Variants in MUC12 observed in about 807,000 individuals in gnomAD.
MUC12 encodes the protein mucin 12, cell surface associated.
Under a neutral mutation model 230.8 loss-of-function variants are expected in MUC12, and 172 were observed. The observed-to-expected ratio is 0.75, with a 90% CI of 0.66 to 0.85. The LOEUF is 0.85. Among genes scored for constraint, MUC12 ranks in the 40% least tolerant of loss-of-function variants. The pLI is 0.00. For synonymous variants in MUC12, 1,259 were observed against 2,401.9 expected (o/e 0.52, Z 13.91); for missense variants, 3,506 against 5,920.6 (o/e 0.59, Z 13.38).
rs905183850 is a variant in MUC12 at position 101,005,359 on chromosome 7, A to G, written c.14796A>G (p.Glu4932=). ...ARSTASDLVG[E]PTTFYISPSP... is the part of the protein sequence containing the mutation. ...CCACAGCCTCAGACCTTGTTGGAGAACCTACAACTTTCTACATCAGCCCAT... is the reference window on the plus strand; with the variant it reads ...CCACAGCCTCAGACCTTGTTGGAGAGCCTACAACTTTCTACATCAGCCCAT... Residue 4932 remains glutamate, a synonymous_variant, in exon 2 of 12, where the codon GAA becomes GAG. Transcript: ENST00000536621. The G allele has an allele frequency of 2.0e-6, 3 of 1,537,730 alleles. No individual in the cohort carries two copies. The highest frequency in any genetic ancestry group is 2.6e-6 in the Non-Finnish European group (3 of 1,147,050).
intron 1 of MUC12, among the ~76,000 whole-genome samples, chr7:100,976,285 T>TA (rs1376959017): frequency 6.9e-6 from 1 of 145,556 alleles, no homozygotes; most frequent in Non-Finnish European, 1.5e-5. Context: ...CTCTTAAAAA[T>TA]AAAAAAATAT....
intron 1 of MUC12, among the ~76,000 whole-genome samples, chr7:100,989,994 T>G (rs540026830): frequency 1.2e-4 from 19 of 152,230 alleles, no homozygotes; most frequent in African/African-American, 4.1e-4. Context: ...CACCTGGCCC[T>G]AAAAATTCAA....
chr7:100,985,248 G>A (rs961934446), intron 1 of MUC12, among the ~76,000 whole-genome samples: 11 of 152,152 alleles, frequency 7.2e-5, no homozygotes, highest in African/African-American at 2.2e-4. Context: ...AAATCACAGG[G>A]AGTCGAAGCT....
At chr7:101,014,157 T>G in intron 9 of MUC12, 83 bp downstream of exon 9, 1 of 1,398,398 alleles carries the variant, frequency 7.2e-7, no homozygotes, top group Non-Finnish European at 9.4e-7. Context: ...CCTAAGGCTC[T>G]GCTCCTTCCA....
Position 101,004,323 on chromosome 7 carries a change from C to T in MUC12, c.13760C>T (p.Thr4587Ile). ...AGCAGCCCAGTTGCAACTGCAACAACACCCTCGCCTGCCCGCTCCACAACC... is the reference window on the plus strand; with the variant it reads ...AGCAGCCCAGTTGCAACTGCAACAATACCCTCGCCTGCCCGCTCCACAACC... ...VHSSPVATATTPSPARSTTSG... is the reference protein window; with the variant it reads ...VHSSPVATATIPSPARSTTSG... Residue 4587 changes from threonine (T) to isoleucine (I), a missense_variant, in exon 2 of 12, where the codon ACA becomes ATA. By Grantham distance (89) the Thr-to-Ile change is moderately conservative. Transcript: ENST00000536621. The T allele has an allele frequency of 8.4e-7, 1 of 1,186,426 alleles. No homozygotes were observed. The highest frequency in any genetic ancestry group is 1.5e-5 in the South Asian group (1 of 67,160). The allele number at this position is 1,186,426 out of a possible 1,614,324, so 73.5% of individuals were successfully genotyped here. A position where few individuals can be genotyped will look rare whatever the true frequency, so the allele number is the denominator to read the frequency against.
In MUC12 at chr7:101,015,648, G is replaced by C; in HGVS notation, c.15834G>C (p.Lys5278Asn). The change falls in exon 10 of 12, where the codon AAG becomes AAC. Residue 5278 changes from lysine (K) to asparagine (N), a missense_variant. By Grantham distance (94) the Lys-to-Asn change is moderately conservative. Coordinates refer to ENST00000536621, the MANE Select transcript of MUC12 (RefSeq NM_001164462.2). ...ATGATGTGCCTCAAGAGTGGCGAAAGGAAGGCACCCCTGGCATCTTCCAGA... is the reference window on the plus strand; with the variant it reads ...ATGATGTGCCTCAAGAGTGGCGAAACGAAGGCACCCCTGGCATCTTCCAGA... ...EQYDVPQEWR[K>N]EGTPGIFQKT... is the part of the protein sequence containing the mutation. 1 of 1,537,706 alleles carries C rather than the reference G, an allele frequency of 6.5e-7. No homozygotes were observed. Among genetic ancestry groups the C allele is most frequent in the Non-Finnish European group, 8.7e-7 (1 of 1,147,008 alleles).
intron 1 of MUC12, among the ~76,000 whole-genome samples, chr7:100,986,736 T>C (rs1465729519): frequency 2.0e-5 from 3 of 152,232 alleles, no homozygotes; most frequent in East Asian, 1.9e-4. Flanking sequence ...GGGGCCAAGG[T>C]TGGCCTTCCT....
chr7:100,975,038 G>A (rs1317082472), intron 1 of MUC12, among the ~76,000 whole-genome samples: 14 of 149,634 alleles, frequency 9.4e-5, no homozygotes, highest in African/African-American at 3.2e-4. Context: ...AGTTGGGCCT[G>A]TTGAGTGTGG....
intron 1 of MUC12, chr7:100,971,998 A>T: frequency 1.4e-6 from 1 of 694,080 alleles, no homozygotes; most frequent in African/African-American, 1.8e-5. Flanking sequence ...ACAGTCAGAA[A>T]AACATCTATC....
chr7:100,977,886 T>C (rs1025514957), intron 1 of MUC12, among the ~76,000 whole-genome samples: 3 of 152,138 alleles, frequency 2.0e-5, no homozygotes, highest in Non-Finnish European at 1.5e-5. Context: ...CTAGCTCCTG[T>C]TGACGCCTGG....
chr7:100,977,883 C>T (rs1232934264), intron 1 of MUC12, among the ~76,000 whole-genome samples: 12 of 152,196 alleles, frequency 7.9e-5, no homozygotes, highest in Admixed American at 5.2e-4. Flanking sequence ...TTTCTAGCTC[C>T]TGTTGACGCC....
intron 1 of MUC12, among the ~76,000 whole-genome samples, chr7:100,980,882 C>T (rs1013380325): frequency 1.3e-5 from 2 of 152,036 alleles, no homozygotes; most frequent in Non-Finnish European, 2.9e-5. Context: ...TGTGCCACTG[C>T]ACTCCAGCCT....
chr7:101,018,554 G>C, intron 11 of MUC12, 41 bp from the exon 12 acceptor site: 1 of 1,533,858 alleles, frequency 6.5e-7, no homozygotes, highest in Non-Finnish European at 8.7e-7. Context: ...CCCTTTCCCG[G>C]GTCTGCCCCT....
intron 1 of MUC12, among the ~76,000 whole-genome samples, chr7:100,983,774 CATAAACGTCCTTT>C (rs1563086967): frequency 6.6e-6 from 1 of 152,134 alleles, no homozygotes; most frequent in African/African-American, 2.4e-5. Context: ...TGGAGATAAC[CATAAACGTCCTTT>C]ATATGCTTTT....
chr7:100,977,043 T>G, intron 1 of MUC12, among the ~76,000 whole-genome samples: 1 of 85,800 alleles, frequency 1.2e-5, no homozygotes, highest in Non-Finnish European at 2.0e-5. Flanking sequence ...AGACCAAGAC[T>G]CCATCTCAAA....
At chr7:100,990,494 C>T in intron 1 of MUC12, 137 bp from the exon 2 acceptor site, 1 of 1,092,078 alleles carries the variant, frequency 9.2e-7, no homozygotes, top group Non-Finnish European at 1.3e-6. Flanking sequence ...CCTATGCCCC[C>T]AAAAGGGAAA....
At position 100,992,948 on chromosome 7, in the gene MUC12, T is replaced by G; in HGVS notation, c.2385T>G (p.Ser795=). ...CAACCTCAGTTCTTCTTGGAGAATC[T>G]ACGACCTCACCCATCAGTTCAGGCT... ...RSTTSVLLGE[S]TTSPISSGSM... is the part of the protein sequence containing the mutation. The change falls in exon 2 of 12, where the codon TCT becomes TCG. Residue 795 remains serine, a synonymous_variant. Transcript: ENST00000536621. 6.5e-7 allele frequency: 1 copy of G among 1,537,306 alleles called. No homozygotes were observed. Among genetic ancestry groups the G allele is most frequent in the African/African-American group, 1.4e-5 (1 of 72,828 alleles).
intron 1 of MUC12, among the ~76,000 whole-genome samples, chr7:100,977,925 C>T (rs1490459955): frequency 2.0e-5 from 3 of 152,096 alleles, no homozygotes; most frequent in African/African-American, 4.8e-5. Flanking sequence ...AACATCACTC[C>T]GATCTCTGCC....
rs369115307 is a variant in MUC12, at chr7:100,995,648, A to G, written c.5085A>G (p.Ser1695=). The G allele has an allele frequency of 4.5e-4, 697 of 1,536,726 alleles. 1 individual carries two copies. Among genetic ancestry groups the G allele is most frequent in the Non-Finnish European group, 5.5e-4 (630 of 1,146,986 alleles). The change falls in exon 2 of 12, where the codon TCA becomes TCG. Residue 1695 remains serine (S), a synonymous_variant. Transcript: ENST00000536621. ...CCACCTTCCAGAGCTGGCCAAGCTC[A>G]AAGGACACTATGCCTGCACCTCCTA... ...ESTTFQSWPS[S]KDTMPAPPTT... is the part of the protein sequence containing the mutation.
Sources: allele counts gnomAD v4.1 joint callset (sites outside exome capture counted in the v4.1 genomes callset), GRCh38; gene constraint gnomAD v4.1.1; transcripts MANE v1.5; gene names NCBI Gene and HGNC (gene_info 2026-07-23, HGNC 2026-07-21).